Variants in LOC400499 observed in about 807,000 individuals in gnomAD.
the LOC400499 span, among the ~76,000 whole-genome samples, chr16:11,457,904 A>C: frequency 6.6e-6 from 1 of 152,288 alleles, no homozygotes; most frequent in African/African-American, 2.4e-5. Flanking sequence ...AAAATAAGCC[A>C]GTCAAAAAAA....
the LOC400499 span, chr16:11,384,151 A>G: frequency 1.6e-6 from 2 of 1,212,654 alleles, no homozygotes; most frequent in Non-Finnish European, 2.1e-6. Flanking sequence ...CTCTCCCGGG[A>G]CTCTGCAGTG....
chr16:11,468,457 G>C, the LOC400499 span, among the ~76,000 whole-genome samples: 2 of 151,944 alleles, frequency 1.3e-5, no homozygotes, highest in African/African-American at 4.8e-5. Flanking sequence ...CTGAGTAGCT[G>C]AGACTACAGG....
chr16:11,493,692 G>A, the LOC400499 span: 3 of 397,370 alleles, frequency 7.5e-6, no homozygotes, highest in Non-Finnish European at 1.3e-5. Flanking sequence ...CCCCCAGCCG[G>A]ATCTCGGGTG....
the LOC400499 span, among the ~76,000 whole-genome samples, chr16:11,503,825 C>G: frequency 6.6e-6 from 1 of 152,250 alleles, no homozygotes; most frequent in South Asian, 2.1e-4. Context: ...CTGCTGCAGG[C>G]TAACTGCCAC....
chr16:11,453,356 G>C, the LOC400499 span, among the ~76,000 whole-genome samples: 1 of 152,084 alleles, frequency 6.6e-6, no homozygotes, highest in Admixed American at 6.6e-5. Flanking sequence ...ATTTTGAGCA[G>C]CCGACTCAAG....
At chr16:11,430,904 T>C in the LOC400499 span, 3 of 397,224 alleles carry the variant, frequency 7.6e-6, no homozygotes, top group African/African-American at 6.2e-5. Context: ...TACCCCTTTA[T>C]CTAAACCTGT....
At chr16:11,453,159 T>G in the LOC400499 span, among the ~76,000 whole-genome samples, 2 of 152,166 alleles carry the variant, frequency 1.3e-5, no homozygotes, top group Non-Finnish European at 2.9e-5. Context: ...TTCTCTCCTC[T>G]CTGTTTCAGC....
the LOC400499 span, among the ~76,000 whole-genome samples, chr16:11,484,656 C>A: frequency 6.6e-6 from 1 of 152,096 alleles, no homozygotes; most frequent in Non-Finnish European, 1.5e-5. Context: ...TGTACACTTA[C>A]AACTTAGGGA....
chr16:11,379,663 G>A, the LOC400499 span, among the ~76,000 whole-genome samples: 4 of 152,194 alleles, frequency 2.6e-5, no homozygotes, highest in South Asian at 2.1e-4. Flanking sequence ...ATTACTGACG[G>A]GACTTCCCGA....
chr16:11,490,070 G>A, the LOC400499 span, among the ~76,000 whole-genome samples: 48 of 152,158 alleles, frequency 3.2e-4, no homozygotes, highest in African/African-American at 1.1e-3. Context: ...CTATAGATGA[G>A]AGACAAGCTC....
the LOC400499 span, chr16:11,380,912 G>C: frequency 6.4e-6 from 1 of 156,762 alleles, no homozygotes; most frequent in Admixed American, 6.5e-5. Flanking sequence ...GCACTTCATA[G>C]TTGTCTCATC....
the LOC400499 span, among the ~76,000 whole-genome samples, chr16:11,403,099 T>C: frequency 6.6e-6 from 1 of 151,382 alleles, no homozygotes; most frequent in Admixed American, 6.6e-5. Flanking sequence ...CTTGACCCCA[T>C]CTCCTGAGGC....
At chr16:11,501,706 GCC>G in the LOC400499 span, among the ~76,000 whole-genome samples, 1 of 151,990 alleles carries the variant, frequency 6.6e-6, no homozygotes, top group Non-Finnish European at 1.5e-5. Flanking sequence ...TGCCGGCCCT[GCC>G]CAGCACCCCC....
chr16:11,415,773 G>T, the LOC400499 span, among the ~76,000 whole-genome samples: 2 of 152,086 alleles, frequency 1.3e-5, no homozygotes, highest in African/African-American at 2.4e-5. Flanking sequence ...GGCATCCTGG[G>T]TCGGGAACTA....
the LOC400499 span, among the ~76,000 whole-genome samples, chr16:11,419,364 TAATA>T: frequency 6.6e-6 from 1 of 151,894 alleles, no homozygotes; most frequent in Non-Finnish European, 1.5e-5. Context: ...ATTCCCTATT[TAATA>T]AATGGTGCTG....
At chr16:11,415,408 G>C in the LOC400499 span, among the ~76,000 whole-genome samples, 1 of 152,192 alleles carries the variant, frequency 6.6e-6, no homozygotes, top group Non-Finnish European at 1.5e-5. Flanking sequence ...GGGTGGACGA[G>C]CTCCACAGCC....
the LOC400499 span, among the ~76,000 whole-genome samples, chr16:11,436,269 G>A: frequency 1.3e-5 from 2 of 152,196 alleles, no homozygotes; most frequent in Admixed American, 6.5e-5. Context: ...CTCCTCCACA[G>A]AAAAGGAGGC....
chr16:11,429,312 AGAG>A, the LOC400499 span, among the ~76,000 whole-genome samples: 17 of 152,086 alleles, frequency 1.1e-4, no homozygotes, highest in African/African-American at 3.9e-4. Context: ...ACGTGCTGGC[AGAG>A]GAGAAGATGC....
At chr16:11,445,081 T>A in the LOC400499 span, among the ~76,000 whole-genome samples, 1 of 96,346 alleles carries the variant, frequency 1.0e-5, no homozygotes, top group Non-Finnish European at 2.1e-5. Flanking sequence ...AGAGTGAGAC[T>A]TTGTCTTTAA....
Sources: gnomAD v4.1 joint callset for allele counts (sites outside exome capture counted in the v4.1 genomes callset) on GRCh38, gnomAD v4.1.1 for gene constraint, MANE v1.5 for transcripts.